Variants in FMO5 observed in about 807,000 individuals in gnomAD.
FMO5 encodes flavin-containing monooxygenase 5.
A neutral mutation model predicts 43.6 loss-of-function variants in FMO5; 51 were observed. That is an observed-to-expected ratio of 1.17 (90% CI 0.93 to 1.48). FMO5 has a LOEUF of 1.48. Ranked by LOEUF, FMO5 falls within the 40% of genes most tolerant of loss-of-function variation. FMO5 has a pLI of 0.00. For synonymous variants in FMO5, 187 were observed against 216.5 expected, an observed-to-expected ratio of 0.86 and a Z score of 1.20; for missense variants, 644 against 643.0, an observed-to-expected ratio of 1.00 and a Z score of -0.02.
At chr1:147,188,622 T>A (rs1248092418) in intron 8 of FMO5, among the ~76,000 whole-genome samples, 1 of 150,600 alleles carries the variant, frequency 6.6e-6, no homozygotes, top group Admixed American at 6.6e-5. Flanking sequence ...AATAAACTCA[T>A]ATAAAACAAT....
At chr1:147,214,941 G>T (rs587740454) in intron 3 of FMO5, 1 of 152,146 alleles carries the variant, frequency 6.6e-6, no homozygotes, top group East Asian at 1.9e-4. Flanking sequence ...ACTTACTTTA[G>T]AAGTTCACTA....
Position 147,186,635 on chromosome 1 carries a change from A to G in FMO5, c.*265T>C. On this transcript the variant is annotated 3_prime_UTR_variant, in exon 9 of 9. Coordinates refer to ENST00000254090, the MANE Select transcript of FMO5 (RefSeq NM_001461.4). Reference sequence around the variant, plus strand: ...ATGTCAAGAACTCTGCTAAAGACATACAAAGATGACTAAAAGAGTACCTGA... The same window carrying G: ...ATGTCAAGAACTCTGCTAAAGACATGCAAAGATGACTAAAAGAGTACCTGA... 1.6e-6 allele frequency: 2 copies of G among 1,242,278 alleles called. No homozygotes were observed. The highest frequency in any genetic ancestry group is 1.0e-6 in the Non-Finnish European group (1 of 988,836). 77.0% of individuals were successfully genotyped at this position (1,242,278 alleles called of 1,614,324 possible). A position where few individuals can be genotyped will look rare whatever the true frequency, so the allele number is the denominator to read the frequency against.
chr1:147,186,778 T>C lies in FMO5; in HGVS notation c.*122A>G. 1.4e-6 allele frequency: 2 copies of C among 1,476,690 alleles called. No individual in the cohort carries two copies. The highest frequency in any genetic ancestry group is 2.9e-5 in the South Asian group (2 of 69,468). 91.5% of individuals were successfully genotyped at this position (1,476,690 alleles called of 1,614,324 possible). On this transcript the variant is annotated 3_prime_UTR_variant, in exon 9 of 9. Transcript: ENST00000254090. ...GGAAAAAGGAAAGTGAATTAATGCT[T>C]TCGAAAGAGACATTAAAGTAGATTT...
At chr1:147,206,078 C>T in intron 6 of FMO5, among the ~76,000 whole-genome samples, 1 of 150,420 alleles carries the variant, frequency 6.6e-6, no homozygotes, top group African/African-American at 2.5e-5. Context: ...AAGAAAAAAA[C>T]AAACAACCCC....
chr1:147,204,285 T>A, intron 6 of FMO5: 1 of 990,510 alleles, frequency 1.0e-6, no homozygotes, highest in Non-Finnish European at 1.6e-6. Context: ...CATGCAATAC[T>A]GAAGAGGAAG....
chr1:147,224,358 A>G (rs1553926992), intron 2 of FMO5: 3 of 167,778 alleles, frequency 1.8e-5, no homozygotes, highest in South Asian at 1.6e-4. Flanking sequence ...GGTTAAATGT[A>G]CACTGCTGAA....
intron 2 of FMO5, among the ~76,000 whole-genome samples, chr1:147,217,893 G>A (rs1489898283): frequency 6.6e-6 from 1 of 152,128 alleles, no homozygotes. Flanking sequence ...TAAGCCCCTT[G>A]AATTGTACTC....
At chr1:147,203,373 G>T in intron 6 of FMO5, 1 of 1,147,052 alleles carries the variant, frequency 8.7e-7, no homozygotes, top group South Asian at 1.2e-5. Flanking sequence ...TAAGTACAGT[G>T]ACTGCAGCAT....
intron 2 of FMO5, among the ~76,000 whole-genome samples, chr1:147,222,572 G>A (rs2102083025): frequency 6.6e-6 from 1 of 152,280 alleles, no homozygotes; most frequent in Admixed American, 6.5e-5. Flanking sequence ...GGAATCATCT[G>A]GGGAGCTTTA....
At chr1:147,214,306 G>A (rs1055848439) in intron 3 of FMO5, among the ~76,000 whole-genome samples, 11 of 151,958 alleles carry the variant, frequency 7.2e-5, no homozygotes, top group African/African-American at 2.7e-4. Context: ...ACAAAAATTA[G>A]TGGGTGTGGT....
chr1:147,218,880 T>A (rs1269798009), intron 2 of FMO5, among the ~76,000 whole-genome samples: 1 of 152,214 alleles, frequency 6.6e-6, no homozygotes, highest in Non-Finnish European at 1.5e-5. Context: ...ACAAGACTTT[T>A]CTAATTTCTC....
At chr1:147,185,342 TTA>T (rs1383931418), downstream of FMO5, among the ~76,000 whole-genome samples, 5 of 150,954 alleles carry the variant, frequency 3.3e-5, no homozygotes, top group Non-Finnish European at 5.9e-5. Context: ...AAAGAGAAAT[TTA>T]TATGTTAAAA....
Position 147,213,556 on chromosome 1 carries a change from A to T in FMO5, c.325-86T>A. ...TACACAAAGGGCTGATATCACAGAC[A>T]CTATCACATAATAGGACCCATGCAG... On this transcript the variant is annotated intron_variant, in intron 3 of 8. Coordinates refer to ENST00000254090, the MANE Select transcript of FMO5 (RefSeq NM_001461.4). 4.3e-6 allele frequency: 5 copies of T among 1,158,562 alleles called. No individual in the cohort carries two copies. In the South Asian group the frequency reaches 9.4e-5, roughly 22 times the overall value. The allele number at this position is 1,158,562 out of a possible 1,614,324, so 71.8% of individuals were successfully genotyped here.
chr1:147,205,500 G>T (rs1553922075), intron 6 of FMO5, among the ~76,000 whole-genome samples: 1 of 152,120 alleles, frequency 6.6e-6, no homozygotes, highest in Non-Finnish European at 1.5e-5. Context: ...TAAATTTAGA[G>T]ACTCTCTACA....
chr1:147,205,985 T>A (rs1429323095), intron 6 of FMO5, among the ~76,000 whole-genome samples: 1 of 151,854 alleles, frequency 6.6e-6, no homozygotes, highest in African/African-American at 2.4e-5. Context: ...AGGCAACCTA[T>A]AAAATGGGAG....
At chr1:147,213,851 T>G (rs1427304447) in intron 3 of FMO5, among the ~76,000 whole-genome samples, 1 of 152,118 alleles carries the variant, frequency 6.6e-6, no homozygotes, top group Admixed American at 6.6e-5. Context: ...TGAGACCTTC[T>G]GATGTCTTCT....
chr1:147,191,948 G>C (rs1656926530), intron 7 of FMO5, among the ~76,000 whole-genome samples: 1 of 152,026 alleles, frequency 6.6e-6, no homozygotes, highest in Non-Finnish European at 1.5e-5. Context: ...GTAGCGTGAT[G>C]CCTCCAGCTT....
chr1:147,204,869 A>C, intron 6 of FMO5: 1 of 1,594,940 alleles, frequency 6.3e-7, no homozygotes, highest in South Asian at 1.1e-5. Context: ...AATTCTGAAA[A>C]GTGTTTCGCT....
intron 6 of FMO5, among the ~76,000 whole-genome samples, chr1:147,202,516 C>T (rs28381204): frequency 0.037 from 5,597 of 151,932 alleles, 146 homozygotes; most frequent in South Asian, 0.095. Context: ...GACAGGGTTT[C>T]ACCATGTTGG....
Sources: gnomAD v4.1 joint callset for allele counts (sites outside exome capture counted in the v4.1 genomes callset) on GRCh38, gnomAD v4.1.1 for gene constraint, MANE v1.5 for transcripts, NCBI Gene and HGNC (gene_info 2026-07-23, HGNC 2026-07-21) for gene names.